The following COTL1 variants were observed in gnomAD, a reference collection of about 807,000 sequenced individuals.
COTL1 encodes the protein coactosin-like protein.
In COTL1, 15 loss-of-function variants were observed where a neutral mutation model predicts 16.5. That is an observed-to-expected ratio of 0.91 (90% CI 0.61 to 1.40). The LOEUF is 1.40. Among genes scored for constraint, COTL1 ranks in the 40% most tolerant of loss-of-function variants. The pLI, the probability that COTL1 is intolerant of heterozygous loss-of-function variation, is 0.00. For missense variants in COTL1, 220 were observed against 201.5 expected (o/e 1.09, Z -0.56); for synonymous variants, 112 against 85.3 (o/e 1.31, Z -1.73).
intron 2 of COTL1, among the ~76,000 whole-genome samples, chr16:84,607,801 A>C (rs1053139170): frequency 1.3e-5 from 2 of 152,128 alleles, no homozygotes; most frequent in Non-Finnish European, 2.9e-5. Flanking sequence ...AAAGGACTCA[A>C]CTCAGTACTT....
At chr16:84,581,174 T>C (rs1349317078) in intron 3 of COTL1, among the ~76,000 whole-genome samples, 1 of 152,026 alleles carries the variant, frequency 6.6e-6, no homozygotes, top group Non-Finnish European at 1.5e-5. Context: ...AATATATGTA[T>C]GTATGTATGT....
chr16:84,580,014 G>C (rs1265877709), intron 3 of COTL1, among the ~76,000 whole-genome samples: 2 of 152,228 alleles, frequency 1.3e-5, no homozygotes, highest in Non-Finnish European at 2.9e-5. Context: ...GCTAGCGACT[G>C]TGTCGGGAAT....
intron 3 of COTL1, chr16:84,577,003 C>A (rs960111706): frequency 6.6e-6 from 1 of 152,252 alleles, no homozygotes; most frequent in South Asian, 2.1e-4. Context: ...TGAAGAAATA[C>A]AGCCACAGTC....
intron 2 of COTL1, among the ~76,000 whole-genome samples, chr16:84,593,433 A>C (rs1904919405): frequency 6.6e-6 from 1 of 152,094 alleles, no homozygotes; most frequent in African/African-American, 2.4e-5. Flanking sequence ...CCCAAACATC[A>C]GCCTGGGCTG....
intron 2 of COTL1, among the ~76,000 whole-genome samples, chr16:84,604,284 C>G (rs972697234): frequency 1.8e-5 from 2 of 113,144 alleles, no homozygotes; most frequent in African/African-American, 3.6e-5. Flanking sequence ...CAGCCCTCAC[C>G]CCCTGCTCTC....
At chr16:84,611,237 C>T (rs561951223) in intron 2 of COTL1, among the ~76,000 whole-genome samples, 7 of 152,362 alleles carry the variant, frequency 4.6e-5, no homozygotes, top group Admixed American at 1.3e-4. Flanking sequence ...CAACAGAAAA[C>T]TGGACTCATT....
intron 3 of COTL1, among the ~76,000 whole-genome samples, chr16:84,577,314 G>A (rs765645014): frequency 4.6e-5 from 7 of 152,244 alleles, no homozygotes; most frequent in Middle Eastern, 3.4e-3. Context: ...GTACCATCTC[G>A]GCTCACTGCA....
At chr16:84,595,959 T>C (rs1192664998) in intron 2 of COTL1, 6 of 152,174 alleles carry the variant, frequency 3.9e-5, no homozygotes, top group African/African-American at 1.4e-4. Flanking sequence ...GTGTTATATA[T>C]ACATGTATGT....
chr16:84,573,655 G>T (rs1338572556), intron 3 of COTL1, among the ~76,000 whole-genome samples: 4 of 151,804 alleles, frequency 2.6e-5, no homozygotes, highest in Non-Finnish European at 5.9e-5. Context: ...CGGGAGAATC[G>T]CTTGAACCGG....
intron 2 of COTL1, among the ~76,000 whole-genome samples, chr16:84,606,237 G>A (rs964170342): frequency 6.6e-6 from 1 of 152,234 alleles, no homozygotes; most frequent in African/African-American, 2.4e-5. Context: ...CTGGGCTCTG[G>A]AGTAAGAGGC....
At chr16:84,617,025 TA>T (rs1249447929) in intron 2 of COTL1, among the ~76,000 whole-genome samples, 1 of 152,230 alleles carries the variant, frequency 6.6e-6, no homozygotes, top group African/African-American at 2.4e-5. Context: ...CATCTGATTC[TA>T]CTCGTCAAAT....
chr16:84,582,670 C>T (rs2967849), intron 3 of COTL1, among the ~76,000 whole-genome samples: 6,841 of 152,200 alleles, frequency 0.045, 192 homozygotes, highest in Middle Eastern at 0.058. Context: ...GTAAGAAATC[C>T]GGGTTTTGAA....
intron 2 of COTL1, among the ~76,000 whole-genome samples, chr16:84,591,701 T>C (rs1157730940): frequency 6.9e-6 from 1 of 143,982 alleles, no homozygotes; most frequent in Non-Finnish European, 1.5e-5. Context: ...CAGGCACCTG[T>C]AGTCCCAGCT....
intron 3 of COTL1, chr16:84,568,280 G>C (rs1904307394): frequency 6.6e-6 from 1 of 152,244 alleles, no homozygotes; most frequent in African/African-American, 2.4e-5. Context: ...CTACAGGCGT[G>C]AGCCACCACG....
intron 3 of COTL1, among the ~76,000 whole-genome samples, chr16:84,579,745 C>T (rs115466226): frequency 2.0e-3 from 303 of 152,148 alleles, no homozygotes; most frequent in African/African-American, 6.4e-3. Context: ...GGGAATCTCA[C>T]GAGGCAAGAT....
intron 2 of COTL1, among the ~76,000 whole-genome samples, chr16:84,600,899 G>C (rs1905094217): frequency 6.6e-6 from 1 of 152,174 alleles, no homozygotes; most frequent in African/African-American, 2.4e-5. Context: ...ATTAAACCGA[G>C]AGCTAAAGGT....
intron 2 of COTL1, among the ~76,000 whole-genome samples, chr16:84,613,960 A>T (rs1905400379): frequency 6.6e-6 from 1 of 152,084 alleles, no homozygotes; most frequent in Non-Finnish European, 1.5e-5. Flanking sequence ...ACTGGCAAAG[A>T]GGCTTGCTCC....
At chr16:84,592,561 T>G (rs1399416610) in intron 2 of COTL1, among the ~76,000 whole-genome samples, 2 of 148,516 alleles carry the variant, frequency 1.3e-5, no homozygotes, top group Non-Finnish European at 3.0e-5. Context: ...AGCTTCCCAG[T>G]GATGCTGATG....
chr16:84,583,603 T>A (rs574715634), intron 3 of COTL1, among the ~76,000 whole-genome samples: 4 of 152,138 alleles, frequency 2.6e-5, no homozygotes, highest in African/African-American at 4.8e-5. Context: ...ACAACAGGCA[T>A]GCGACACCAT....
Sources: allele counts gnomAD v4.1 joint callset (sites outside exome capture counted in the v4.1 genomes callset), GRCh38; gene constraint gnomAD v4.1.1; transcripts MANE v1.5; gene names NCBI Gene and HGNC (gene_info 2026-07-23, HGNC 2026-07-21).